KAZN: variants seen among roughly 807,000 people sequenced by gnomAD.
The protein encoded by KAZN is kazrin, periplakin interacting protein, also known as kazrin.
Under a neutral mutation model 87.4 loss-of-function variants are expected in KAZN, and 40 were observed. The ratio of observed to expected loss-of-function variants is 0.46; its 90% CI spans 0.36 to 0.60. The LOEUF (loss-of-function observed/expected upper bound fraction) is 0.60. Among genes scored for constraint, KAZN ranks in the 20% least tolerant of loss-of-function variants. The probability of loss-of-function intolerance (pLI) is 0.00; values close to 1 mark genes in which losing one functional copy is unlikely to be tolerated. For missense variants in KAZN, 898 were observed against 1,073.9 expected (o/e 0.84, Z 2.29); for synonymous variants, 466 against 458.3 (o/e 1.02, Z -0.22).
chr1:13,912,779 A>G (rs1457559766), intron 1 of KAZN, among the ~76,000 whole-genome samples: 1 of 152,066 alleles, frequency 6.6e-6, no homozygotes, highest in Non-Finnish European at 1.5e-5. Context: ...AATTTTTTGC[A>G]GAGCTGAGGT....
chr1:14,669,695 C>T (rs1003334232), intron 1 of KAZN, among the ~76,000 whole-genome samples: 1 of 152,100 alleles, frequency 6.6e-6, no homozygotes, highest in Admixed American at 6.5e-5. Flanking sequence ...TGCAGTGAGC[C>T]AAGATCGTGT....
chr1:14,162,514 A>T (rs1266523110), intron 1 of KAZN, among the ~76,000 whole-genome samples: 1 of 150,892 alleles, frequency 6.6e-6, no homozygotes, highest in Non-Finnish European at 1.5e-5. Context: ...TTTTATAGCT[A>T]CACTCTTGGT....
At chr1:15,105,002 A>G (rs547002955) in intron 13 of KAZN, among the ~76,000 whole-genome samples, 34 of 152,356 alleles carry the variant, frequency 2.2e-4, no homozygotes, top group Admixed American at 1.6e-3. Flanking sequence ...TTGCATTCCC[A>G]GGATAAATCT....
intron 2 of KAZN, among the ~76,000 whole-genome samples, chr1:14,354,645 G>GACACACAC (rs71570202): frequency 0.055 from 7,766 of 141,342 alleles, 269 homozygotes; most frequent in Middle Eastern, 0.088. Context: ...AGCTAAATTA[G>GACACACAC]ACACACACAC....
At chr1:14,063,014 A>G (rs1642857204) in intron 1 of KAZN, among the ~76,000 whole-genome samples, 1 of 152,236 alleles carries the variant, frequency 6.6e-6, no homozygotes, top group Admixed American at 6.5e-5. Flanking sequence ...CAAATTCAAT[A>G]TACACATATT....
chr1:14,575,762 C>T (rs1483476818), intron 2 of KAZN, among the ~76,000 whole-genome samples: 1 of 152,194 alleles, frequency 6.6e-6, no homozygotes, highest in Non-Finnish European at 1.5e-5. Flanking sequence ...GGTCGTTCAT[C>T]TATCCTATGG....
chr1:14,441,714 C>T (rs1243271695), intron 2 of KAZN, among the ~76,000 whole-genome samples: 3 of 152,052 alleles, frequency 2.0e-5, no homozygotes. Flanking sequence ...ATGATGGGGG[C>T]ATTTATTCAA....
intron 1 of KAZN, among the ~76,000 whole-genome samples, chr1:13,966,690 G>C (rs1251256407): frequency 6.6e-6 from 1 of 152,192 alleles, no homozygotes; most frequent in Non-Finnish European, 1.5e-5. Flanking sequence ...TATCTGAGTT[G>C]AGATGTGCCG....
intron 14 of KAZN, 22 bp from the exon 15 acceptor site, chr1:15,114,449 G>A (rs758052221): frequency 5.0e-6 from 8 of 1,586,270 alleles, no homozygotes; most frequent in Non-Finnish European, 4.3e-6. Context: ...CCTGTCCTTT[G>A]ATCATATTCT....
intron 2 of KAZN, among the ~76,000 whole-genome samples, chr1:14,407,441 TGGG>T (rs951555060): frequency 2.0e-5 from 3 of 151,988 alleles, no homozygotes; most frequent in African/African-American, 7.3e-5. Flanking sequence ...TGGTGGTAAA[TGGG>T]GGGAAAAAGA....
intron 2 of KAZN, among the ~76,000 whole-genome samples, chr1:14,575,696 TA>T (rs1675133925): frequency 6.6e-6 from 1 of 152,160 alleles, no homozygotes; most frequent in African/African-American, 2.4e-5. Flanking sequence ...GAGACACAAT[TA>T]AAAGAGTCAG....
At chr1:15,015,651 G>A (rs539181077) in intron 2 of KAZN, among the ~76,000 whole-genome samples, 20 of 152,234 alleles carry the variant, frequency 1.3e-4, no homozygotes, top group South Asian at 4.1e-4. Context: ...CCGTCAGCAT[G>A]GGCAGGTCTA....
intron 1 of KAZN, among the ~76,000 whole-genome samples, chr1:14,700,621 C>T (rs1331490039): frequency 6.6e-6 from 1 of 152,090 alleles, no homozygotes; most frequent in Non-Finnish European, 1.5e-5. Flanking sequence ...ACAAATGTGT[C>T]CACACACCCA....
intron 6 of KAZN, 182 bp from the exon 7 acceptor site, chr1:15,063,390 T>C: frequency 1.6e-6 from 1 of 622,618 alleles, no homozygotes; most frequent in Non-Finnish European, 2.9e-6. Context: ...CCAGGCCCCA[T>C]CAATAAGCCA....
chr1:14,958,401 T>G (rs547356858), intron 1 of KAZN, among the ~76,000 whole-genome samples: 7 of 102,472 alleles, frequency 6.8e-5, no homozygotes, highest in African/African-American at 1.2e-4. Flanking sequence ...GCACTTCCTG[T>G]GTACATGGAG....
At chr1:14,082,043 G>C (rs1328547880) in intron 1 of KAZN, among the ~76,000 whole-genome samples, 4 of 152,098 alleles carry the variant, frequency 2.6e-5, no homozygotes, top group Admixed American at 2.6e-4. Context: ...TCAAAGTGCT[G>C]GGATTACAGG....
chr1:15,080,207 C>A (rs772777149), intron 8 of KAZN, among the ~76,000 whole-genome samples: 1 of 152,142 alleles, frequency 6.6e-6, no homozygotes, highest in African/African-American at 2.4e-5. Context: ...GACGGTGGCA[C>A]CAAAATGAGG....
chr1:14,225,527 A>T (rs1018705161), intron 2 of KAZN, among the ~76,000 whole-genome samples: 27 of 152,212 alleles, frequency 1.8e-4, no homozygotes, highest in South Asian at 6.2e-4. Flanking sequence ...TTAGAAAAAA[A>T]TTCTAAAATT....
At chr1:14,491,983 C>T (rs1669673875) in intron 2 of KAZN, among the ~76,000 whole-genome samples, 1 of 152,140 alleles carries the variant, frequency 6.6e-6, no homozygotes, top group South Asian at 2.1e-4. Flanking sequence ...AGACATTTAA[C>T]AATTATCAGC....
Sources: allele counts gnomAD v4.1 joint callset (sites outside exome capture counted in the v4.1 genomes callset), GRCh38; gene constraint gnomAD v4.1.1; transcripts MANE v1.5; gene names NCBI Gene and HGNC (gene_info 2026-07-23, HGNC 2026-07-21).